PLCB1: variants seen among roughly 807,000 people sequenced by gnomAD.
PLCB1 encodes phospholipase C beta 1.
Under a neutral mutation model 161.8 loss-of-function variants are expected in PLCB1, and 46 were observed. The observed-to-expected ratio is 0.28, with a 90% CI of 0.22 to 0.36. The LOEUF is 0.36. Ranked by LOEUF, PLCB1 falls within the 10% of genes least tolerant of loss-of-function variation. PLCB1 has a pLI of 1.00. For missense variants in PLCB1, 1,016 were observed against 1,472.5 expected (o/e 0.69, Z 5.07); for synonymous variants, 517 against 503.7 (o/e 1.03, Z -0.35).
At chr20:8,646,312 A>G (rs1239231780) in intron 5 of PLCB1, 131 bp downstream of exon 5, 5 of 662,536 alleles carry the variant, frequency 7.5e-6, no homozygotes, top group Non-Finnish European at 1.4e-5. Context: ...TTTGGGATTT[A>G]TTAGAGAACT....
chr20:8,601,531 G>T (rs758490311), intron 3 of PLCB1, among the ~76,000 whole-genome samples: 65 of 152,214 alleles, frequency 4.3e-4, no homozygotes, highest in Middle Eastern at 6.8e-3. Context: ...TATATTATGG[G>T]TTTAAAAATA....
At chr20:8,750,748 T>C (rs1981414887) in intron 23 of PLCB1, 1 of 835,838 alleles carries the variant, frequency 1.2e-6, no homozygotes, top group Non-Finnish European at 1.8e-6. Flanking sequence ...AGCTCCTCCT[T>C]AAGGGAAAGG....
intron 4 of PLCB1, among the ~76,000 whole-genome samples, chr20:8,639,076 T>C (rs1484940566): frequency 2.0e-5 from 3 of 151,934 alleles, no homozygotes; most frequent in Admixed American, 6.6e-5. Flanking sequence ...ACCAAGACAG[T>C]GATAGGTAAA....
At chr20:8,256,038 G>T (rs1414332198) in intron 2 of PLCB1, among the ~76,000 whole-genome samples, 1 of 152,032 alleles carries the variant, frequency 6.6e-6, no homozygotes, top group Non-Finnish European at 1.5e-5. Context: ...ATACCATATA[G>T]CCTGGGTGTG....
intron 2 of PLCB1, among the ~76,000 whole-genome samples, chr20:8,338,219 G>C (rs6039146): frequency 6.6e-6 from 1 of 151,820 alleles, no homozygotes; most frequent in Non-Finnish European, 1.5e-5. Context: ...AAATATAAAG[G>C]GCAGGATTTT....
intron 3 of PLCB1, among the ~76,000 whole-genome samples, chr20:8,552,308 G>T (rs959054602): frequency 2.0e-5 from 3 of 152,182 alleles, no homozygotes; most frequent in Non-Finnish European, 2.9e-5. Context: ...TCCTTGGACA[G>T]TATAGAGAAG....
At chr20:8,540,889 C>T (rs1985286741) in intron 3 of PLCB1, among the ~76,000 whole-genome samples, 1 of 152,084 alleles carries the variant, frequency 6.6e-6, no homozygotes, top group Non-Finnish European at 1.5e-5. Context: ...TGATTTAGAG[C>T]CCTGATGCCC....
intron 3 of PLCB1, among the ~76,000 whole-genome samples, chr20:8,626,712 G>A (rs996316495): frequency 2.6e-5 from 4 of 152,142 alleles, no homozygotes; most frequent in Non-Finnish European, 4.4e-5. Flanking sequence ...ACAAGTTTCA[G>A]GTGATTTCTG....
At chr20:8,178,104 G>T (rs773418554) in intron 2 of PLCB1, among the ~76,000 whole-genome samples, 3 of 152,156 alleles carry the variant, frequency 2.0e-5, no homozygotes, top group Non-Finnish European at 4.4e-5. Context: ...CTGTTGATGG[G>T]CATTTAGGTT....
chr20:8,699,823 A>G (rs534986059), intron 11 of PLCB1, among the ~76,000 whole-genome samples: 1 of 152,366 alleles, frequency 6.6e-6, no homozygotes, highest in South Asian at 2.1e-4. Context: ...CAATGCAATA[A>G]TTAGAGAAAA....
intron 31 of PLCB1, among the ~76,000 whole-genome samples, chr20:8,857,930 G>T (rs543253544): frequency 6.6e-6 from 1 of 151,870 alleles, no homozygotes; most frequent in Non-Finnish European, 1.5e-5. Flanking sequence ...TGAGTGATTG[G>T]TCTTCTCATT....
intron 31 of PLCB1, among the ~76,000 whole-genome samples, chr20:8,871,315 C>T (rs1249940444): frequency 2.0e-5 from 3 of 151,972 alleles, no homozygotes; most frequent in African/African-American, 7.3e-5. Flanking sequence ...AGCTACAGAG[C>T]TGTGTCTCCC....
At chr20:8,779,828 G>A (rs1983125621) in intron 27 of PLCB1, among the ~76,000 whole-genome samples, 1 of 152,198 alleles carries the variant, frequency 6.6e-6, no homozygotes, top group African/African-American at 2.4e-5. Flanking sequence ...TTTACAGCTT[G>A]TCATCAAGTT....
At chr20:8,856,575 C>T (rs1262721432) in intron 31 of PLCB1, among the ~76,000 whole-genome samples, 1 of 152,150 alleles carries the variant, frequency 6.6e-6, no homozygotes. Flanking sequence ...CGAGATCACA[C>T]CACTGCACTC....
intron 4 of PLCB1, 142 bp from the exon 5 acceptor site, chr20:8,645,960 A>T (rs1362514711): frequency 7.2e-6 from 4 of 555,152 alleles, no homozygotes; most frequent in African/African-American, 1.9e-5. Context: ...TTACCCAAAA[A>T]AGGGATAATA....
chr20:8,355,507 A>T (rs982765008), intron 2 of PLCB1, among the ~76,000 whole-genome samples: 1 of 152,102 alleles, frequency 6.6e-6, no homozygotes, highest in Non-Finnish European at 1.5e-5. Context: ...ACCTGAAATG[A>T]CCCTCGTCTC....
At chr20:8,782,606 G>C (rs551397493) in intron 27 of PLCB1, among the ~76,000 whole-genome samples, 5 of 152,052 alleles carry the variant, frequency 3.3e-5, no homozygotes, top group Non-Finnish European at 7.4e-5. Flanking sequence ...TGCCCAGGTT[G>C]GTCTCAAACT....
chr20:8,481,231 A>G (rs1319153596), intron 3 of PLCB1, among the ~76,000 whole-genome samples: 3 of 152,034 alleles, frequency 2.0e-5, no homozygotes, highest in Non-Finnish European at 4.4e-5. Context: ...CCAGGCAGAC[A>G]AAAAAAACTT....
chr20:8,716,387 C>A, intron 13 of PLCB1, 39 bp downstream of exon 13: 1 of 1,399,884 alleles, frequency 7.1e-7, no homozygotes, highest in Non-Finnish European at 1.0e-6. Context: ...GGAATGTATG[C>A]ATTATTGATG....
Sources: gnomAD v4.1 joint callset for allele counts (sites outside exome capture counted in the v4.1 genomes callset) on GRCh38, gnomAD v4.1.1 for gene constraint, MANE v1.5 for transcripts, NCBI Gene and HGNC (gene_info 2026-07-23, HGNC 2026-07-21) for gene names.